The following LRFN2 variants were observed in gnomAD, a reference collection of about 807,000 sequenced individuals.
LRFN2 encodes leucine-rich repeat and fibronectin type-III domain-containing protein 2.
Under a neutral mutation model 37.3 loss-of-function variants are expected in LRFN2, and 18 were observed. The ratio of observed to expected loss-of-function variants is 0.48; its 90% CI spans 0.33 to 0.72. The LOEUF (loss-of-function observed/expected upper bound fraction) is 0.72, where lower values mean the gene tolerates loss of function less well. Ranked by LOEUF, LRFN2 falls within the 30% of genes least tolerant of loss-of-function variation. The pLI, the probability that LRFN2 is intolerant of heterozygous loss-of-function variation, is 0.02. For missense variants in LRFN2, 1,006 were observed against 1,060.7 expected, an observed-to-expected ratio of 0.95 and a Z score of 0.72; for synonymous variants, 556 against 466.6, an observed-to-expected ratio of 1.19 and a Z score of -2.47.
At chr6:40,565,548 T>C (rs1247798715) in intron 1 of LRFN2, among the ~76,000 whole-genome samples, 2 of 152,104 alleles carry the variant, frequency 1.3e-5, no homozygotes, top group Non-Finnish European at 2.9e-5. Flanking sequence ...TATAGACCAA[T>C]GGAACAGAGC....
intron 1 of LRFN2, among the ~76,000 whole-genome samples, chr6:40,533,942 C>T (rs1176425250): frequency 6.6e-6 from 1 of 152,206 alleles, no homozygotes; most frequent in Non-Finnish European, 1.5e-5. Context: ...TCACCGGACA[C>T]TCGGAATTCC....
At chr6:40,417,854 G>A (rs1419200170) in intron 2 of LRFN2, among the ~76,000 whole-genome samples, 2 of 152,142 alleles carry the variant, frequency 1.3e-5, no homozygotes, top group African/African-American at 4.8e-5. Context: ...CCCATTTTAT[G>A]GATGTGAACA....
intron 2 of LRFN2, among the ~76,000 whole-genome samples, chr6:40,416,789 C>T (rs1475347945): frequency 6.6e-6 from 1 of 152,182 alleles, no homozygotes; most frequent in African/African-American, 2.4e-5. Context: ...CACTGTTCGC[C>T]AGTCCCAGGA....
chr6:40,480,021 A>G (rs1764791285), intron 1 of LRFN2, among the ~76,000 whole-genome samples: 1 of 152,224 alleles, frequency 6.6e-6, no homozygotes, highest in Non-Finnish European at 1.5e-5. Context: ...TCACGTCTTT[A>G]TACGAAATCC....
intron 1 of LRFN2, among the ~76,000 whole-genome samples, chr6:40,535,515 C>G (rs1766432099): frequency 1.3e-5 from 2 of 152,132 alleles, no homozygotes; most frequent in African/African-American, 4.8e-5. Flanking sequence ...AGGAGACATC[C>G]CCACTGCAGC....
chr6:40,528,845 G>A (rs1490312354), intron 1 of LRFN2, among the ~76,000 whole-genome samples: 1 of 151,994 alleles, frequency 6.6e-6, no homozygotes, highest in Non-Finnish European at 1.5e-5. Flanking sequence ...TCTTCACCCC[G>A]GGTCCCCATG....
intron 1 of LRFN2, among the ~76,000 whole-genome samples, chr6:40,477,369 G>T (rs1352458602): frequency 6.6e-6 from 1 of 152,138 alleles, no homozygotes; most frequent in Admixed American, 6.5e-5. Flanking sequence ...GGATCTCAAG[G>T]GATGGTGACA....
intron 2 of LRFN2, among the ~76,000 whole-genome samples, chr6:40,401,623 T>A (rs1305334207): frequency 6.6e-6 from 1 of 152,192 alleles, no homozygotes; most frequent in East Asian, 1.9e-4. Flanking sequence ...TTAGATGAAG[T>A]GAGCCTGAAG....
In LRFN2 at chr6:40,460,216, C is replaced by G. The variant is rs139918628; in HGVS notation, c.-18-27085G>C. Among the ~76,000 whole-genome samples, 468 of 152,318 alleles carry G rather than the reference C, an allele frequency of 3.1e-3. 3 individuals are homozygous for G. The highest frequency in any genetic ancestry group is 0.01 in the African/African-American group (428 of 41,570). ...GAGTTAGTCAACCGAGACAGTGAAA[C>G]TACTCTGTCAATTAAGTCAAACATC... is the stretch of plus-strand genomic sequence containing the variant. On this transcript the variant is annotated intron_variant, in intron 1 of 2. Coordinates refer to ENST00000338305, the MANE Select transcript of LRFN2 (RefSeq NM_020737.3).
At position 40,586,985 on chromosome 6, in the gene LRFN2, G is replaced by C. The variant is rs1017872827; in HGVS notation, c.-63C>G. 3 of 152,252 alleles carry C rather than the reference G, an allele frequency of 2.0e-5. No individual in the cohort carries two copies. Among genetic ancestry groups the C allele is most frequent in the Admixed American group, 2.0e-4 (3 of 15,302 alleles). 9.4% of individuals were successfully genotyped at this position (152,252 alleles called of 1,614,324 possible). A position where few individuals can be genotyped will look rare whatever the true frequency, so the allele number is the denominator to read the frequency against. On this transcript the variant is annotated 5_prime_UTR_variant, in exon 1 of 3. Coordinates refer to ENST00000338305, the MANE Select transcript of LRFN2 (RefSeq NM_020737.3). ...CCCCCGGCTGGGTGGCACCGAGGCCGGCTCCGCGGGGCGCCCGGGCTCCCC... is the reference window on the plus strand; with the variant it reads ...CCCCCGGCTGGGTGGCACCGAGGCCCGCTCCGCGGGGCGCCCGGGCTCCCC...
intron 1 of LRFN2, among the ~76,000 whole-genome samples, chr6:40,542,290 T>C (rs1364489857): frequency 1.3e-5 from 2 of 151,980 alleles, no homozygotes; most frequent in Non-Finnish European, 2.9e-5. Flanking sequence ...GGCTGTGAGT[T>C]TTCCAATTAG....
chr6:40,543,488 T>C (rs1044425310), intron 1 of LRFN2, among the ~76,000 whole-genome samples: 6 of 152,190 alleles, frequency 3.9e-5, no homozygotes, highest in Non-Finnish European at 5.9e-5. Flanking sequence ...ATCCTAACTC[T>C]GCTGTCCTCT....
intron 1 of LRFN2, among the ~76,000 whole-genome samples, chr6:40,459,575 G>A (rs1029204866): frequency 6.6e-6 from 1 of 152,184 alleles, no homozygotes; most frequent in Non-Finnish European, 1.5e-5. Flanking sequence ...CATCTCTGCA[G>A]GGCCTAATCC....
At chr6:40,505,078 C>T (rs1765497319) in intron 1 of LRFN2, among the ~76,000 whole-genome samples, 1 of 152,200 alleles carries the variant, frequency 6.6e-6, no homozygotes, top group African/African-American at 2.4e-5. Context: ...TTGCCCGTGG[C>T]CTCGGCAAAG....
chr6:40,516,532 G>A (rs1765880961), intron 1 of LRFN2: 1 of 152,088 alleles, frequency 6.6e-6, no homozygotes, highest in African/African-American at 2.4e-5. Flanking sequence ...GGTGAGAAGG[G>A]GTCACCTGAT....
At chr6:40,528,235 T>C (rs1766290121) in intron 1 of LRFN2, among the ~76,000 whole-genome samples, 1 of 152,272 alleles carries the variant, frequency 6.6e-6, no homozygotes, top group African/African-American at 2.4e-5. Context: ...TCCAGCCCTT[T>C]GTCCCCACTG....
intron 1 of LRFN2, among the ~76,000 whole-genome samples, chr6:40,433,622 A>G (rs1302578037): frequency 6.6e-6 from 1 of 152,208 alleles, no homozygotes; most frequent in East Asian, 1.9e-4. Context: ...TTGAGGCATA[A>G]TTTTACATTC....
intron 2 of LRFN2, among the ~76,000 whole-genome samples, chr6:40,404,449 A>G (rs1052416634): frequency 7.2e-5 from 11 of 152,242 alleles, no homozygotes; most frequent in African/African-American, 2.7e-4. Context: ...GCATGTGGTC[A>G]TTCAAATTTA....
chr6:40,391,805 G>C lies in LRFN2; in HGVS notation c.*138C>G, dbSNP rs1762508686. On this transcript the variant is annotated 3_prime_UTR_variant, in exon 3 of 3. Coordinates refer to ENST00000338305, the MANE Select transcript of LRFN2 (RefSeq NM_020737.3). Reference sequence around the variant, plus strand: ...ATGTGGGTGTTGCGGGGTAGGGGGGGACACGAGGCCATTGACAGGGAGACG... The same window carrying C: ...ATGTGGGTGTTGCGGGGTAGGGGGGCACACGAGGCCATTGACAGGGAGACG... 1.2e-6 allele frequency: 1 copy of C among 849,402 alleles called. No individual in the cohort carries two copies. Among genetic ancestry groups the C allele is most frequent in the Non-Finnish European group, 1.7e-6 (1 of 590,804 alleles). The allele number at this position is 849,402 out of a possible 1,614,324, so 52.6% of individuals were successfully genotyped here. A position where few individuals can be genotyped will look rare whatever the true frequency, so the allele number is the denominator to read the frequency against.
Sources: gnomAD v4.1 joint callset for allele counts (sites outside exome capture counted in the v4.1 genomes callset) on GRCh38, gnomAD v4.1.1 for gene constraint, MANE v1.5 for transcripts, NCBI Gene and HGNC (gene_info 2026-07-23, HGNC 2026-07-21) for gene names.